LRRC4B: variants seen among roughly 807,000 people sequenced by gnomAD.
LRRC4B encodes the protein leucine-rich repeat-containing protein 4B.
A neutral mutation model predicts 7.3 loss-of-function variants in LRRC4B; 1 was observed. That is an observed-to-expected ratio of 0.14 (90% CI 0.05 to 0.65). The LOEUF (loss-of-function observed/expected upper bound fraction) is 0.65. LRRC4B is among the 30% of genes least tolerant of loss of function. LRRC4B has a pLI of 0.84. For missense variants in LRRC4B, 730 were observed against 1,041.6 expected, an observed-to-expected ratio of 0.70 and a Z score of 4.12; for synonymous variants, 500 against 499.2, an observed-to-expected ratio of 1.00 and a Z score of -0.02.
chr19:50,534,022 A>G (rs536525197), intron 2 of LRRC4B, among the ~76,000 whole-genome samples: 2 of 152,158 alleles, frequency 1.3e-5, no homozygotes, highest in Non-Finnish European at 2.9e-5. Flanking sequence ...GGGCCCATTC[A>G]TTCTTACATT....
At chr19:50,535,084 G>A (rs910202418) in intron 2 of LRRC4B, among the ~76,000 whole-genome samples, 3 of 152,022 alleles carry the variant, frequency 2.0e-5, no homozygotes, top group South Asian at 2.1e-4. Context: ...TAGCCAGGAT[G>A]GTCTCGATCT....
At chr19:50,542,658 G>A (rs907636370) in intron 2 of LRRC4B, among the ~76,000 whole-genome samples, 5 of 151,894 alleles carry the variant, frequency 3.3e-5, no homozygotes, top group African/African-American at 7.3e-5. Flanking sequence ...GGTATTTTTA[G>A]TAGAGATGGG....
chr19:50,537,851 GAAT>G lies in LRRC4B; in HGVS notation c.297+10688_297+10690del, dbSNP rs1981355735. Among the ~76,000 whole-genome samples the G allele has an allele frequency of 6.6e-6, 1 of 152,078 alleles. No individual in the cohort carries two copies. Among genetic ancestry groups the G allele is most frequent in the Non-Finnish European group, 1.5e-5 (1 of 68,004 alleles). On this transcript the variant is annotated intron_variant, in intron 2 of 2. Transcript: ENST00000652263. The surrounding 1 kb of genome is among the most constrained non-coding windows in gnomAD (Gnocchi z 5.5). ...GGGAATGAAGAGGATAACTCAGCTG[GAAT>G]GAGAGCCAGGGAGGCCGCAGTTAGA...
intron 2 of LRRC4B, among the ~76,000 whole-genome samples, chr19:50,543,968 G>A (rs972136074): frequency 2.0e-5 from 3 of 152,144 alleles, no homozygotes; most frequent in Non-Finnish European, 2.9e-5. Context: ...AACTTTGGGA[G>A]GCCAAGGCGG....
chr19:50,551,305 G>A (rs951420864), intron 1 of LRRC4B, among the ~76,000 whole-genome samples: 2 of 150,400 alleles, frequency 1.3e-5, no homozygotes, highest in Non-Finnish European at 3.0e-5. Flanking sequence ...TGTCGAGATC[G>A]TGCTGGGGGG....
chr19:50,531,490 G>A (rs1981058846), intron 2 of LRRC4B, among the ~76,000 whole-genome samples: 1 of 152,256 alleles, frequency 6.6e-6, no homozygotes, highest in African/African-American at 2.4e-5. Flanking sequence ...CAAAGGGAGG[G>A]GGTGGGGTCC....
At chr19:50,528,683 C>G (rs984137129) in intron 2 of LRRC4B, among the ~76,000 whole-genome samples, 1 of 152,288 alleles carries the variant, frequency 6.6e-6, no homozygotes, top group Admixed American at 6.5e-5. Flanking sequence ...GTCTAACTTC[C>G]CAGAGTGAAC....
At chr19:50,567,819 A>ACCC (rs1982683998) in intron 1 of LRRC4B, 125 bp downstream of exon 1, 2 of 20,342 alleles carry the variant, frequency 9.8e-5, no homozygotes, top group African/African-American at 5.2e-4. Context: ...GTCCTCTGCC[A>ACCC]TCCCCCCCCA....
chr19:50,521,706 G>T (rs1054913039), intron 2 of LRRC4B, among the ~76,000 whole-genome samples: 5 of 151,944 alleles, frequency 3.3e-5, no homozygotes, highest in African/African-American at 4.8e-5. Flanking sequence ...GATTACAGGC[G>T]TGAGCCACCG....
rs991850381 is a variant in LRRC4B at position 50,563,838 on chromosome 19, T to C, written c.-36+4106A>G. Among the ~76,000 whole-genome samples, 1 of 152,234 alleles carries C rather than the reference T, an allele frequency of 6.6e-6. No individual in the cohort carries two copies. The highest frequency in any genetic ancestry group is 1.5e-5 in the Non-Finnish European group (1 of 68,044). ...GAGAATGGGCGTGTGCTCTGCGTCC[T>C]GGCAGTCTTAAGAACCACTTCTCCC... On this transcript the variant is annotated intron_variant, in intron 1 of 2. Coordinates refer to ENST00000652263, the MANE Select transcript of LRRC4B (RefSeq NM_001080457.2). This position sits in a 1 kb window ranked among gnomAD's most constrained non-coding sequence, Gnocchi z 4.9.
At chr19:50,561,292 A>G (rs1982453188) in intron 1 of LRRC4B, among the ~76,000 whole-genome samples, 1 of 152,100 alleles carries the variant, frequency 6.6e-6, no homozygotes, top group South Asian at 2.1e-4. Flanking sequence ...CCTTCCCGCA[A>G]CAAGATCCTA....
Position 50,559,764 on chromosome 19 carries a change from A to C in LRRC4B, c.-36+8180T>G, listed in dbSNP as rs373747453. Among the ~76,000 whole-genome samples the C allele has an allele frequency of 7.2e-4, 109 of 152,352 alleles. 1 individual carries two copies. The highest frequency in any genetic ancestry group is 2.5e-3 in the African/African-American group (105 of 41,590). ...AAAGGGTGCTGCTAAAAGTCATAAA[A>C]AGCTGAAAACTATGTGAACTGGAGC... On this transcript the variant is annotated intron_variant, in intron 1 of 2. Coordinates refer to ENST00000652263, the MANE Select transcript of LRRC4B (RefSeq NM_001080457.2).
At chr19:50,530,486 C>A (rs1981007323) in intron 2 of LRRC4B, among the ~76,000 whole-genome samples, 1 of 152,214 alleles carries the variant, frequency 6.6e-6, no homozygotes, top group African/African-American at 2.4e-5. Context: ...AGCTCCTGCT[C>A]ACCCTCTTGA....
chr19:50,552,153 G>A (rs1190754828), intron 1 of LRRC4B, among the ~76,000 whole-genome samples: 2 of 152,000 alleles, frequency 1.3e-5, no homozygotes, highest in African/African-American at 4.8e-5. Flanking sequence ...TTGGCTGCAT[G>A]ACCGGGCTGG....
rs1981355833 is a variant in LRRC4B, at chr19:50,537,854, T to TGG, written c.297+10687_297+10688insCC. On this transcript the variant is annotated intron_variant, in intron 2 of 2. Transcript: ENST00000652263. This position sits in a 1 kb window ranked among gnomAD's most constrained non-coding sequence, Gnocchi z 5.5. ...AATGAAGAGGATAACTCAGCTGGAA[T>TGG]GAGAGCCAGGGAGGCCGCAGTTAGA... Among the ~76,000 whole-genome samples the TGG allele has an allele frequency of 6.6e-6, 1 of 151,890 alleles. No homozygotes were observed. The highest frequency in any genetic ancestry group is 1.5e-5 in the Non-Finnish European group (1 of 67,968).
chr19:50,521,488 C>T (rs1238329501), intron 2 of LRRC4B, among the ~76,000 whole-genome samples: 2 of 152,146 alleles, frequency 1.3e-5, no homozygotes, highest in East Asian at 1.9e-4. Flanking sequence ...AGTGCAGTTG[C>T]ACAATCTCGG....
At chr19:50,552,351 C>CG (rs1300630200) in intron 1 of LRRC4B, among the ~76,000 whole-genome samples, 1 of 151,982 alleles carries the variant, frequency 6.6e-6, no homozygotes, top group Non-Finnish European at 1.5e-5. Flanking sequence ...CCTGATATAC[C>CG]GGCACTGGAA....
intron 1 of LRRC4B, among the ~76,000 whole-genome samples, chr19:50,561,985 A>G (rs1982478991): frequency 8.7e-6 from 1 of 114,842 alleles, no homozygotes; most frequent in South Asian, 2.9e-4. Flanking sequence ...TGTAGTAGTG[A>G]TGCGTGCCTG....
At chr19:50,543,169 G>A (rs555272169) in intron 2 of LRRC4B, among the ~76,000 whole-genome samples, 14 of 152,260 alleles carry the variant, frequency 9.2e-5, no homozygotes, top group African/African-American at 3.4e-4. Context: ...TGCCAGGCTC[G>A]GCCCTAGGTG....
Sources: gnomAD v4.1 joint callset for allele counts (sites outside exome capture counted in the v4.1 genomes callset) on GRCh38, gnomAD v4.1.1 for gene constraint, Gnocchi (gnomAD v3.1) non-coding constraint, MANE v1.5 for transcripts, NCBI Gene and HGNC (gene_info 2026-07-23, HGNC 2026-07-21) for gene names.